Variants in NEDD1 observed in about 807,000 individuals in gnomAD.
NEDD1 encodes the protein NEDD1 gamma-tubulin ring complex targeting factor.
In NEDD1, 33 loss-of-function variants were observed where a neutral mutation model predicts 74.0. The ratio of observed to expected loss-of-function variants is 0.45; its 90% CI spans 0.34 to 0.60. NEDD1 has a LOEUF of 0.60. NEDD1 is among the 20% of genes least tolerant of loss of function. NEDD1 has a pLI of 0.01. For missense variants in NEDD1, 746 were observed against 776.5 expected (o/e 0.96, Z 0.47); for synonymous variants, 250 against 264.4 (o/e 0.95, Z 0.53).
intron 2 of NEDD1, among the ~76,000 whole-genome samples, chr12:96,909,124 C>T (rs921546871): frequency 6.9e-6 from 1 of 144,340 alleles, no homozygotes; most frequent in Admixed American, 7.2e-5. Context: ...TGTGGTGAGC[C>T]GAGATCACAC....
chr12:96,939,042 G>T (rs1244447607), intron 9 of NEDD1, among the ~76,000 whole-genome samples: 1 of 152,022 alleles, frequency 6.6e-6, no homozygotes, highest in East Asian at 1.9e-4. Context: ...CCTGGCACAT[G>T]GTAGGCACTC....
At chr12:96,912,170 A>G (rs1211871264) in intron 3 of NEDD1, among the ~76,000 whole-genome samples, 1 of 152,154 alleles carries the variant, frequency 6.6e-6, no homozygotes, top group Non-Finnish European at 1.5e-5. Context: ...CATATTTATA[A>G]AATATTTGCA....
Position 96,937,214 on chromosome 12 carries a change from G to C in NEDD1, c.938G>C (p.Gly313Ala), listed in dbSNP as rs1877202864. Residue 313 changes from glycine (G) to alanine (A), a missense_variant, in exon 9 of 16, where the codon GGC (glycine) becomes GCC (alanine). By Grantham distance (60) the Gly-to-Ala change is moderately conservative. Coordinates refer to ENST00000266742, the MANE Select transcript of NEDD1 (RefSeq NM_152905.4). ...TVLTKSSLNK[G>A]CSNKPTTVNK... ...ACATTTCAGTCAAGTTTAAATAAAGGCTGTTCAAATAAGCCCACAACAGTG... is the reference window on the plus strand; with the variant it reads ...ACATTTCAGTCAAGTTTAAATAAAGCCTGTTCAAATAAGCCCACAACAGTG... 6.3e-7 allele frequency: 1 copy of C among 1,597,128 alleles called. No individual in the cohort carries two copies.
Position 96,944,739 on chromosome 12 carries a change from A to G in NEDD1, c.1598A>G (p.Asn533Ser), listed in dbSNP as rs1315419604. 1.3e-6 allele frequency: 2 copies of G among 1,598,140 alleles called. No individual in the cohort carries two copies. Among genetic ancestry groups the G allele is most frequent in the Non-Finnish European group, 1.7e-6 (2 of 1,173,144 alleles). Residue 533 changes from asparagine to serine, a missense_variant, in exon 13 of 16, where the codon AAT becomes AGT. By Grantham distance (46) the Asn-to-Ser change is conservative (BLOSUM62 1). Around this residue, in one of 3 missense-constraint regions of NEDD1, gnomAD observed 706 missense variants for 706.7 expected, o/e 1.00. Coordinates refer to ENST00000266742, the MANE Select transcript of NEDD1 (RefSeq NM_152905.4). ...RNSEKFEKPENEIEAQLICEP... is the reference protein window; with the variant it reads ...RNSEKFEKPESEIEAQLICEP... ...TCTGAGAAATTTGAAAAGCCAGAGA[A>G]TGAAATTGAAGCCCAGTTGATATGT...
chr12:96,943,571 C>A lies in NEDD1; in HGVS notation c.1306C>A (p.Leu436Ile). The A allele has an allele frequency of 1.2e-6, 2 of 1,612,682 alleles. No homozygotes were observed. Among genetic ancestry groups the A allele is most frequent in the Non-Finnish European group, 1.7e-6 (2 of 1,178,990 alleles). ...TTTCCCTTTTCCAGGCTTTGACTTT[C>A]TACCGCAGTTGAACTCAGTGTTTCC... ...SIGKGDGFDFLPQLNSVFPPR... is the reference protein window; with the variant it reads ...SIGKGDGFDFIPQLNSVFPPR... Residue 436 changes from leucine to isoleucine, a missense_variant, in exon 12 of 16, where the codon CTA (leucine) becomes ATA (isoleucine). Around this residue, in one of 3 missense-constraint regions of NEDD1, gnomAD observed 706 missense variants for 706.7 expected, o/e 1.00. Coordinates refer to ENST00000266742, the MANE Select transcript of NEDD1 (RefSeq NM_152905.4).
At chr12:96,930,240 C>CTT in intron 6 of NEDD1, among the ~76,000 whole-genome samples, 1 of 151,514 alleles carries the variant, frequency 6.6e-6, no homozygotes, top group South Asian at 2.1e-4. Flanking sequence ...CTCTCTCTCT[C>CTT]TCTCACACTC....
In NEDD1 at chr12:96,945,076, G is replaced by A. The variant is rs370092261; in HGVS notation, c.1654+281G>A. Among the ~76,000 whole-genome samples the A allele has an allele frequency of 5.9e-5, 9 of 152,070 alleles. No individual in the cohort carries two copies. In the East Asian group the frequency reaches 7.7e-4, roughly 13 times the overall value. On this transcript the variant is annotated intron_variant, in intron 13 of 15. Coordinates refer to ENST00000266742, the MANE Select transcript of NEDD1 (RefSeq NM_152905.4). ...ATAGAATTATTATGTAGGACCCTTTGAAAAGGGTTGGTTAACTACCTGAAA... is the reference window on the plus strand; with the variant it reads ...ATAGAATTATTATGTAGGACCCTTTAAAAAGGGTTGGTTAACTACCTGAAA...
chr12:96,944,480 A>C (rs945604847), intron 12 of NEDD1, among the ~76,000 whole-genome samples, 159 bp from the exon 13 acceptor site: 15 of 150,234 alleles, frequency 1.0e-4, no homozygotes, highest in Non-Finnish European at 1.8e-4. Flanking sequence ...TTTTGCCTCC[A>C]GTTCTCTTTT....
At chr12:96,935,724 C>T (rs565987058) in intron 7 of NEDD1, among the ~76,000 whole-genome samples, 74 of 152,204 alleles carry the variant, frequency 4.9e-4, no homozygotes, top group Non-Finnish European at 8.5e-4. Context: ...GGAGCACCCA[C>T]TTGAGAAATA....
chr12:96,917,497 A>C (rs1592866263), intron 4 of NEDD1, 124 bp from the exon 5 acceptor site: 10 of 1,114,986 alleles, frequency 9.0e-6, no homozygotes, highest in South Asian at 3.2e-5. Context: ...GTACAAGATT[A>C]GCATGTTTAT....
chr12:96,938,650 A>G (rs996801104), intron 9 of NEDD1, among the ~76,000 whole-genome samples: 8 of 152,068 alleles, frequency 5.3e-5, no homozygotes, highest in African/African-American at 1.7e-4. Flanking sequence ...TGCCCCCACA[A>G]AATTAACAAT....
chr12:96,916,337 G>T (rs1253122982), intron 4 of NEDD1, among the ~76,000 whole-genome samples: 2 of 146,150 alleles, frequency 1.4e-5, no homozygotes, highest in African/African-American at 2.5e-5. Context: ...CATGTGCCAT[G>T]CTGGTGCGCT....
chr12:96,915,936 T>G (rs1196497280), intron 4 of NEDD1, among the ~76,000 whole-genome samples: 1 of 152,194 alleles, frequency 6.6e-6, no homozygotes, highest in Non-Finnish European at 1.5e-5. Context: ...TTACATTAGG[T>G]AGCCAATGGA....
intron 14 of NEDD1, among the ~76,000 whole-genome samples, chr12:96,951,156 T>G (rs1452542167): frequency 1.3e-5 from 2 of 151,820 alleles, no homozygotes; most frequent in African/African-American, 2.4e-5. Context: ...TTTGAACAAG[T>G]TATATCTACT....
At position 96,942,591 on chromosome 12, in the gene NEDD1, A is replaced by G. The variant is rs1346551805; in HGVS notation, c.1261A>G (p.Lys421Glu). 1 of 1,513,726 alleles carries G rather than the reference A, an allele frequency of 6.6e-7. No individual in the cohort carries two copies. Among genetic ancestry groups the G allele is most frequent in the Non-Finnish European group, 9.2e-7 (1 of 1,090,840 alleles). The allele number at this position is 1,513,726 out of a possible 1,614,324, so 93.8% of individuals were successfully genotyped here. The change falls in exon 11 of 16, where the codon AAG becomes GAG. Residue 421 changes from lysine to glutamate, a missense_variant. By Grantham distance (56) the Lys-to-Glu change is moderately conservative (BLOSUM62 1). This residue lies in a region of NEDD1 where 706 missense variants were observed against 706.7 expected (regional missense o/e 1.00). Transcript: ENST00000266742. ...SPIRDDAVVNKGSDESIGKGD... is the reference protein window; with the variant it reads ...SPIRDDAVVNEGSDESIGKGD... ...ATTTGTTATAGATGCTGTAGTTAAC[A>G]AGGGAAGTGATGAGTCCATAGGCAA...
At position 96,917,661 on chromosome 12, in the gene NEDD1, A is replaced by G; in HGVS notation, c.272A>G (p.Tyr91Cys). The G allele has an allele frequency of 6.5e-7, 1 of 1,548,438 alleles. No homozygotes were observed. Residue 91 changes from tyrosine (Y) to cysteine (C), a missense_variant, in exon 5 of 16, where the codon TAT becomes TGT. This residue lies in a region of NEDD1 where 706 missense variants were observed against 706.7 expected (regional missense o/e 1.00). Transcript: ENST00000266742. ...TCVNLNSTSM[Y>C]LVSGGLNNTV... Reference sequence around the variant, plus strand: ...GTCAATTTAAATTCTACATCTATGTATTTGGTAAGCGGAGGCCTAAATAAC... The same window carrying G: ...GTCAATTTAAATTCTACATCTATGTGTTTGGTAAGCGGAGGCCTAAATAAC...
At chr12:96,922,715 C>T (rs748119776) in intron 6 of NEDD1, among the ~76,000 whole-genome samples, 24 of 152,116 alleles carry the variant, frequency 1.6e-4, no homozygotes, top group Non-Finnish European at 2.8e-4. Context: ...TTTATGTATA[C>T]GTAAATACAT....
At chr12:96,909,647 AAATG>A in intron 2 of NEDD1, 101 bp from the exon 3 acceptor site, 2 of 888,014 alleles carry the variant, frequency 2.3e-6, no homozygotes, top group Non-Finnish European at 3.4e-6. Context: ...TTTGGAACAA[AAATG>A]AATGAGTTAG....
At chr12:96,946,586 T>C (rs1479877989) in intron 14 of NEDD1, among the ~76,000 whole-genome samples, 1 of 152,188 alleles carries the variant, frequency 6.6e-6, no homozygotes, top group Non-Finnish European at 1.5e-5. Context: ...AAATACTTTT[T>C]AAAGAAAAAT....
Sources: gnomAD v4.1 joint callset for allele counts (sites outside exome capture counted in the v4.1 genomes callset) on GRCh38, gnomAD v4.1.1 for gene constraint, gnomAD v4.1.1 regional missense constraint, MANE v1.5 for transcripts, NCBI Gene and HGNC (gene_info 2026-07-23, HGNC 2026-07-21) for gene names.